The following SSH2 variants were observed in gnomAD, a reference collection of about 807,000 sequenced individuals.
The protein encoded by SSH2 is protein phosphatase Slingshot homolog 2.
Under a neutral mutation model 135.2 loss-of-function variants are expected in SSH2, and 37 were observed. That is an observed-to-expected ratio of 0.27 (90% confidence interval 0.21 to 0.36). SSH2 has a LOEUF of 0.36. Among genes scored for constraint, SSH2 ranks in the 10% least tolerant of loss-of-function variants. The pLI, the probability that SSH2 is intolerant of heterozygous loss-of-function variation, is 1.00. For missense variants in SSH2, 1,408 were observed against 1,765.3 expected (o/e 0.80, Z 3.63); for synonymous variants, 628 against 646.2 (o/e 0.97, Z 0.43).
chr17:29,882,016 G>A (rs2066146304), intron 1 of SSH2, among the ~76,000 whole-genome samples: 3 of 152,176 alleles, frequency 2.0e-5, no homozygotes, highest in Admixed American at 2.0e-4. Context: ...TGTACAGGAA[G>A]TCATTTGGTT....
At chr17:29,648,469 C>T in intron 13 of SSH2, 125 bp from the exon 14 acceptor site, 1 of 738,112 alleles carries the variant, frequency 1.4e-6, no homozygotes. Context: ...TGCAATCTCT[C>T]CACTTTGGTA....
intron 2 of SSH2, among the ~76,000 whole-genome samples, chr17:29,812,142 C>T (rs1402042580): frequency 2.0e-5 from 3 of 150,350 alleles, no homozygotes; most frequent in African/African-American, 2.4e-5. Flanking sequence ...TACCCTGATA[C>T]CTGGCCATAG....
chr17:29,711,333 T>C (rs1034200447), intron 3 of SSH2, among the ~76,000 whole-genome samples: 14 of 152,352 alleles, frequency 9.2e-5, no homozygotes, highest in African/African-American at 3.4e-4. Context: ...CGAAACTTCC[T>C]GGTCTTTTCA....
chr17:29,918,209 C>T (rs562166134), intron 1 of SSH2, among the ~76,000 whole-genome samples: 2 of 152,104 alleles, frequency 1.3e-5, no homozygotes, highest in African/African-American at 4.8e-5. Context: ...ATCAATCAAA[C>T]AGTACTTTGA....
At chr17:29,893,646 G>C (rs547568273) in intron 1 of SSH2, among the ~76,000 whole-genome samples, 1 of 152,220 alleles carries the variant, frequency 6.6e-6, no homozygotes, top group South Asian at 2.1e-4. Context: ...CCATTCTGTG[G>C]TATTTTGTTA....
chr17:29,875,450 C>G (rs894974402), intron 1 of SSH2, among the ~76,000 whole-genome samples: 2 of 152,112 alleles, frequency 1.3e-5, no homozygotes, highest in Non-Finnish European at 2.9e-5. Context: ...AATTGCCTCC[C>G]TACTGGCCTC....
intron 1 of SSH2, among the ~76,000 whole-genome samples, chr17:29,868,466 G>A (rs894850429): frequency 1.3e-5 from 2 of 152,076 alleles, no homozygotes; most frequent in African/African-American, 2.4e-5. Flanking sequence ...GGCTGGGTGC[G>A]GTGTCTCATG....
At chr17:29,638,006 C>A (rs540849775) in intron 14 of SSH2, among the ~76,000 whole-genome samples, 3 of 151,504 alleles carry the variant, frequency 2.0e-5, no homozygotes, top group Non-Finnish European at 4.4e-5. Flanking sequence ...CCCAGCTACT[C>A]GGGAGGCTGA....
At position 29,891,435 on chromosome 17, in the gene SSH2, A is replaced by AT. The variant is rs112618609; in HGVS notation, c.63+38502dup. ...AGATTTAGCCTTCACTTCTAAATAA[A>AT]TTTTTTTTTCAAAGCAATGAAAGAA... On this transcript the variant is annotated intron_variant, in intron 1 of 15. Coordinates refer to ENST00000540801, the MANE Select transcript of SSH2 (RefSeq NM_001282129.2). Among the ~76,000 whole-genome samples, 792 of 151,824 alleles carry AT rather than the reference A, an allele frequency of 5.2e-3. 8 individuals are homozygous for AT. Among genetic ancestry groups the AT allele is most frequent in the African/African-American group, 0.018 (745 of 41,388 alleles).
chr17:29,683,706 T>C (rs1257955344), intron 6 of SSH2, among the ~76,000 whole-genome samples: 2 of 151,256 alleles, frequency 1.3e-5, no homozygotes, highest in African/African-American at 4.9e-5. Flanking sequence ...GTGGGAGGAT[T>C]GCTTAAGCCC....
intron 3 of SSH2, among the ~76,000 whole-genome samples, chr17:29,780,241 C>T (rs2041810672): frequency 6.6e-6 from 1 of 151,746 alleles, no homozygotes; most frequent in Non-Finnish European, 1.5e-5. Flanking sequence ...ACAAAAAAAC[C>T]CTCTGTTTCT....
intron 3 of SSH2, among the ~76,000 whole-genome samples, chr17:29,709,015 T>TATATATATATATATAGAGAGAGAG (rs780981175): frequency 1.1e-4 from 9 of 81,594 alleles, no homozygotes; most frequent in African/African-American, 3.3e-4. Flanking sequence ...TATATATATA[T>TATATATATATATATAGAGAGAGAG]AGAGAGAGAG....
In SSH2 at chr17:29,630,933, G is replaced by A. The variant is rs139576770; in HGVS notation, c.4261C>T (p.Arg1421Cys). 1.3e-4 allele frequency: 217 copies of A among 1,609,056 alleles called. No homozygotes were observed. The African/African-American group carries it at 2.2e-3, about 17-fold the overall frequency. ...CPAPGLAVAP[R>C]QQHGRTHPLR... is the part of the protein sequence containing the mutation. ...GGGTGAGTTCTGCCGTGTTGCTGAC[G>A]GGGTGCCACGGCCAGCCCTGGAGCT... The change falls in exon 16 of 16, where the codon CGT becomes TGT. Residue 1421 changes from arginine (R) to cysteine (C), a missense_variant. Transcript: ENST00000540801.
At chr17:29,824,372 C>T (rs1376127347) in intron 2 of SSH2, among the ~76,000 whole-genome samples, 1 of 152,282 alleles carries the variant, frequency 6.6e-6, no homozygotes, top group East Asian at 1.9e-4. Flanking sequence ...CTGCCACAGT[C>T]AAGGTTCATC....
chr17:29,768,128 C>G (rs1190621185), intron 3 of SSH2, among the ~76,000 whole-genome samples: 1 of 151,830 alleles, frequency 6.6e-6, no homozygotes, highest in East Asian at 1.9e-4. Context: ...TATACCCTGT[C>G]TTTTACACAT....
intron 3 of SSH2, chr17:29,761,550 G>T: frequency 2.0e-6 from 1 of 510,326 alleles, no homozygotes; most frequent in Non-Finnish European, 2.5e-6. Flanking sequence ...CGCCCGCGCG[G>T]ATCCCGCAGC....
At chr17:29,753,943 G>A (rs2041034873) in intron 3 of SSH2, among the ~76,000 whole-genome samples, 1 of 152,108 alleles carries the variant, frequency 6.6e-6, no homozygotes, top group African/African-American at 2.4e-5. Flanking sequence ...TGTATACAAA[G>A]ATGTGTGTAT....
At chr17:29,818,898 C>T (rs1043965719) in intron 2 of SSH2, among the ~76,000 whole-genome samples, 2 of 150,754 alleles carry the variant, frequency 1.3e-5, no homozygotes, top group South Asian at 4.2e-4. Flanking sequence ...GACCACATCT[C>T]TACAAAAAAA....
intron 2 of SSH2, among the ~76,000 whole-genome samples, chr17:29,829,137 A>T (rs1206509126): frequency 1.3e-5 from 2 of 152,222 alleles, no homozygotes; most frequent in Non-Finnish European, 2.9e-5. Flanking sequence ...ACCTTTCATG[A>T]GATTGTTAGA....
Sources: allele counts gnomAD v4.1 joint callset (sites outside exome capture counted in the v4.1 genomes callset), GRCh38; gene constraint gnomAD v4.1.1; transcripts MANE v1.5; gene names NCBI Gene and HGNC (gene_info 2026-07-23, HGNC 2026-07-21).